Variants in GDPD4 observed in about 807,000 individuals in gnomAD.
GDPD4 encodes the protein glycerophosphodiester phosphodiesterase domain containing 4, also known as glycerophosphodiester phosphodiesterase 6.
In GDPD4, 60 loss-of-function variants were observed where a neutral mutation model predicts 67.8. The observed-to-expected ratio is 0.88, with a 90% CI of 0.72 to 1.10. The LOEUF is 1.10. GDPD4 is among the 50% of genes least tolerant of loss of function. The probability of loss-of-function intolerance (pLI) is 0.00; values close to 1 mark genes in which losing one functional copy is unlikely to be tolerated. For synonymous variants in GDPD4, 212 were observed against 210.9 expected (o/e 1.00, Z -0.04); for missense variants, 623 against 613.9 (o/e 1.01, Z -0.16).
chr11:77,245,319 C>T lies in GDPD4; in HGVS notation c.1048G>A (p.Val350Ile), dbSNP rs746559076. 6 of 1,614,044 alleles carry T rather than the reference C, an allele frequency of 3.7e-6. No individual in the cohort carries two copies. In the African/African-American group the frequency reaches 6.7e-5, roughly 18 times the overall value. The change falls in exon 12 of 17, where the codon GTA (valine) becomes ATA (isoleucine). Residue 350 changes from valine (V) to isoleucine (I), a missense_variant. Val to Ile is a conservative substitution (Grantham distance 29). Transcript: ENST00000315938. ...PLRHTFVRQV[V>I]SVILASKIEQ... ...ATTTTAGAGGCAAGGATCACGCTTACTACTTGGCGGACAAATGTGTGTCTG... is the reference window on the plus strand; with the variant it reads ...ATTTTAGAGGCAAGGATCACGCTTATTACTTGGCGGACAAATGTGTGTCTG...
At chr11:77,296,298 T>A (rs1161675587) in intron 1 of GDPD4, among the ~76,000 whole-genome samples, 1 of 148,154 alleles carries the variant, frequency 6.7e-6, no homozygotes, top group African/African-American at 2.5e-5. Flanking sequence ...AGTATATGAA[T>A]TGATGTATGG....
intron 16 of GDPD4, among the ~76,000 whole-genome samples, chr11:77,220,751 T>TATTG (rs1958210126): frequency 6.6e-6 from 1 of 152,232 alleles, no homozygotes; most frequent in African/African-American, 2.4e-5. Flanking sequence ...CCTCTTTTTC[T>TATTG]ATTGATTGGA....
chr11:77,222,110 T>G (rs958577058), intron 16 of GDPD4, among the ~76,000 whole-genome samples: 3 of 152,214 alleles, frequency 2.0e-5, no homozygotes, highest in Non-Finnish European at 4.4e-5. Context: ...TTTGAGCCTA[T>G]GTGTGTGTCT....
intron 1 of GDPD4, among the ~76,000 whole-genome samples, chr11:77,292,147 A>G (rs1224339310): frequency 6.6e-6 from 1 of 152,096 alleles, no homozygotes; most frequent in Non-Finnish European, 1.5e-5. Context: ...AGTAACATAA[A>G]TCAAAATTCA....
intron 16 of GDPD4, among the ~76,000 whole-genome samples, chr11:77,220,564 C>T (rs1393768793): frequency 6.6e-6 from 1 of 152,154 alleles, no homozygotes; most frequent in Non-Finnish European, 1.5e-5. Context: ...CCAACTTGAT[C>T]TTGGTAGATT....
At position 77,252,049 on chromosome 11, in the gene GDPD4, TGTTTG is replaced by T. The variant is rs756968845; in HGVS notation, c.864+6332_864+6336del. On this transcript the variant is annotated intron_variant, in intron 11 of 16. Transcript: ENST00000315938. ...GGGTGTCCATTTGGGTTTTTTTGTT[TGTTTG>T]TTTTTTTTTTGTTTTTTTTTTTTTT... Among the ~76,000 whole-genome samples the T allele has an allele frequency of 8.7e-4, 71 of 81,276 alleles. 1 individual carries two copies. Among genetic ancestry groups the T allele is most frequent in the African/African-American group, 3.4e-3 (69 of 20,290 alleles). The allele number at this position is 81,276 out of a possible 152,430, so 53.3% of individuals were successfully genotyped here. A position where few individuals can be genotyped will look rare whatever the true frequency, so the allele number is the denominator to read the frequency against.
At chr11:77,250,836 G>C (rs1297060971) in intron 11 of GDPD4, among the ~76,000 whole-genome samples, 1 of 152,094 alleles carries the variant, frequency 6.6e-6, no homozygotes, top group Non-Finnish European at 1.5e-5. Flanking sequence ...GGGTGCTTTA[G>C]TGTTGAGTGC....
At chr11:77,227,712 C>A (rs752564065) in intron 16 of GDPD4, 152 bp downstream of exon 16, 10 of 638,584 alleles carry the variant, frequency 1.6e-5, no homozygotes, top group Non-Finnish European at 2.8e-5. Context: ...AATCTATGCC[C>A]AGCCTATACT....
At chr11:77,239,771 G>A (rs2135838701) in intron 13 of GDPD4, among the ~76,000 whole-genome samples, 1 of 152,168 alleles carries the variant, frequency 6.6e-6, no homozygotes, top group African/African-American at 2.4e-5. Flanking sequence ...GACCAGCCTG[G>A]CTAACATGGG....
At chr11:77,286,144 G>T (rs1959982933) in intron 2 of GDPD4, among the ~76,000 whole-genome samples, 1 of 151,910 alleles carries the variant, frequency 6.6e-6, no homozygotes, top group Non-Finnish European at 1.5e-5. Flanking sequence ...AATAAACCTT[G>T]TATCAGTCTC....
chr11:77,232,899 A>C, intron 14 of GDPD4, 126 bp downstream of exon 14: 1 of 730,746 alleles, frequency 1.4e-6, no homozygotes, highest in Non-Finnish European at 2.2e-6. Context: ...CCACATCTCC[A>C]ATATTCATAG....
chr11:77,225,883 C>G (rs925767780), intron 16 of GDPD4, among the ~76,000 whole-genome samples: 7 of 152,124 alleles, frequency 4.6e-5, no homozygotes, highest in Non-Finnish European at 8.8e-5. Context: ...GAGGTCCTGA[C>G]TTCTGTCTAG....
rs1958125479 is a variant in GDPD4, at chr11:77,216,626, G to GGATGA, written c.*646_*650dup. On this transcript the variant is annotated 3_prime_UTR_variant, in exon 17 of 17. Coordinates refer to ENST00000315938, the MANE Select transcript of GDPD4 (RefSeq NM_182833.3). ...AGCAGAAAATATTATGGAGGTGTTAGGATGAGATAAACCTGACAGCAACCA... is the reference window on the plus strand; with the variant it reads ...AGCAGAAAATATTATGGAGGTGTTAGGATGAGATGAGATAAACCTGACAGCAACCA... 5.0e-6 allele frequency: 2 copies of GGATGA among 403,346 alleles called. No homozygotes were observed. The highest frequency in any genetic ancestry group is 9.8e-5 in the East Asian group (2 of 20,502). 25.0% of individuals were successfully genotyped at this position (403,346 alleles called of 1,614,324 possible).
At position 77,217,114 on chromosome 11, in the gene GDPD4, A is replaced by G; in HGVS notation, c.*163T>C. ...GCTTGCCAGGCTTCAAAGGTGTGACAGCATTCTTGATAGGTAGTAGTTTCT... is the reference window on the plus strand; with the variant it reads ...GCTTGCCAGGCTTCAAAGGTGTGACGGCATTCTTGATAGGTAGTAGTTTCT... On this transcript the variant is annotated 3_prime_UTR_variant, in exon 17 of 17. Coordinates refer to ENST00000315938, the MANE Select transcript of GDPD4 (RefSeq NM_182833.3). 1 of 716,946 alleles carries G rather than the reference A, an allele frequency of 1.4e-6. No homozygotes were observed. Among genetic ancestry groups the G allele is most frequent in the South Asian group, 1.5e-5 (1 of 68,418 alleles). 44.4% of individuals were successfully genotyped at this position (716,946 alleles called of 1,614,324 possible).
chr11:77,239,990 T>TA (rs1047412374), intron 13 of GDPD4, among the ~76,000 whole-genome samples: 3 of 151,286 alleles, frequency 2.0e-5, no homozygotes, highest in Admixed American at 1.3e-4. Flanking sequence ...TGAAAGAATT[T>TA]AAAAAAAACA....
In GDPD4 at chr11:77,276,216, A is replaced by C. The variant is rs2135878659; in HGVS notation, c.152T>G (p.Leu51Arg). 2 of 1,613,314 alleles carry C rather than the reference A, an allele frequency of 1.2e-6. No individual in the cohort carries two copies. The highest frequency in any genetic ancestry group is 4.5e-5 in the East Asian group (2 of 44,870). ...LTAYSSLLLL[L>R]GFLLLWERIE... ...CCTTTCCCAAAGCAACAAAAATCCAAGTAACTGCAAAAGCAAAGAAGAAAA... is the reference window on the plus strand; with the variant it reads ...CCTTTCCCAAAGCAACAAAAATCCACGTAACTGCAAAAGCAAAGAAGAAAA... The change falls in exon 5 of 17, where the codon CTT (leucine) becomes CGT (arginine). Residue 51 changes from leucine to arginine, a missense_variant. Coordinates refer to ENST00000315938, the MANE Select transcript of GDPD4 (RefSeq NM_182833.3).
chr11:77,301,461 C>G (rs757478359), intron 1 of GDPD4, 144 bp downstream of exon 1: 1 of 152,176 alleles, frequency 6.6e-6, no homozygotes, highest in Non-Finnish European at 1.5e-5. Context: ...CCGTAATCCT[C>G]GAGAGGGGAC....
At position 77,217,297 on chromosome 11, in the gene GDPD4, T is replaced by C. The variant is rs775681086; in HGVS notation, c.1543A>G (p.Lys515Glu). The part of the protein sequence containing the change: ...STRTDTQSGS[K>E]NEEDR ...TCTATCTATCTATCTTCCTCATTCT[T>C]ACTTCCACTCTGAGTATCTGTGGGA... The change falls in exon 17 of 17, where the codon AAG becomes GAG. Residue 515 changes from lysine to glutamate, a missense_variant. Transcript: ENST00000315938. 3 of 1,607,728 alleles carry C rather than the reference T, an allele frequency of 1.9e-6. No homozygotes were observed. The highest frequency in any genetic ancestry group is 2.6e-6 in the Non-Finnish European group (3 of 1,174,156).
intron 11 of GDPD4, among the ~76,000 whole-genome samples, chr11:77,246,806 C>A (rs780770109): frequency 6.6e-6 from 1 of 152,112 alleles, no homozygotes; most frequent in Non-Finnish European, 1.5e-5. Flanking sequence ...TTCTTTGAAA[C>A]GCACAGCATT....
Sources: allele counts gnomAD v4.1 joint callset (sites outside exome capture counted in the v4.1 genomes callset), GRCh38; gene constraint gnomAD v4.1.1; transcripts MANE v1.5; gene names NCBI Gene and HGNC (gene_info 2026-07-23, HGNC 2026-07-21).